MYOF: variants seen among roughly 807,000 people sequenced by gnomAD.
The protein encoded by MYOF is myoferlin.
A neutral mutation model predicts 284.2 loss-of-function variants in MYOF; 244 were observed. The observed-to-expected ratio is 0.86, with a 90% CI of 0.77 to 0.95. MYOF has a LOEUF of 0.95. Ranked by LOEUF, MYOF falls within the 40% of genes least tolerant of loss-of-function variation. The pLI is 0.00. For missense variants in MYOF, 2,496 were observed against 2,560.6 expected, an observed-to-expected ratio of 0.97 and a Z score of 0.54; for synonymous variants, 904 against 919.7, an observed-to-expected ratio of 0.98 and a Z score of 0.31.
At chr10:93,473,446 A>G (rs1419264847) in intron 1 of MYOF, among the ~76,000 whole-genome samples, 1 of 152,208 alleles carries the variant, frequency 6.6e-6, no homozygotes, top group Non-Finnish European at 1.5e-5. Flanking sequence ...TAGAGTCAAG[A>G]CCCAGTCACC....
At chr10:93,314,873 AC>A (rs1229377945) in intron 50 of MYOF, among the ~76,000 whole-genome samples, 2 of 145,052 alleles carry the variant, frequency 1.4e-5, no homozygotes, top group East Asian at 3.9e-4. Context: ...ACATGGCAAA[AC>A]CCTGTCTCTA....
intron 39 of MYOF, among the ~76,000 whole-genome samples, chr10:93,338,707 C>A (rs566925752): frequency 6.6e-6 from 1 of 152,254 alleles, no homozygotes; most frequent in South Asian, 2.1e-4. Flanking sequence ...ATCCAATAAG[C>A]TTTCAGAAGT....
intron 19 of MYOF, among the ~76,000 whole-genome samples, chr10:93,382,035 CAAA>C (rs970964909): frequency 1.3e-5 from 2 of 150,576 alleles, no homozygotes; most frequent in Non-Finnish European, 3.0e-5. Flanking sequence ...GACTCCATCT[CAAA>C]AAAAGAGAGT....
intron 53 of MYOF, among the ~76,000 whole-genome samples, chr10:93,307,624 A>C (rs942167412): frequency 7.3e-6 from 1 of 136,990 alleles, no homozygotes; most frequent in African/African-American, 2.7e-5. Context: ...AAACCAATAG[A>C]ATTTTTTTTT....
At chr10:93,364,104 C>T in intron 26 of MYOF, 29 bp from the exon 27 acceptor site, 1 of 1,598,678 alleles carries the variant, frequency 6.3e-7, no homozygotes, top group Non-Finnish European at 8.6e-7. Flanking sequence ...TCAAGTTACC[C>T]AAGGAGACCG....
intron 10 of MYOF, 68 bp downstream of exon 10, chr10:93,402,792 T>G: frequency 7.1e-7 from 1 of 1,416,408 alleles, no homozygotes; most frequent in Non-Finnish European, 9.9e-7. Context: ...TCTTGATTCT[T>G]AGAATCATCT....
At chr10:93,382,242 A>G (rs1183771378) in intron 19 of MYOF, among the ~76,000 whole-genome samples, 2 of 149,212 alleles carry the variant, frequency 1.3e-5, no homozygotes, top group Non-Finnish European at 3.0e-5. Context: ...TTTTTTCTCT[A>G]TTTTCTTTTT....
chr10:93,440,511 T>C (rs2056216375), intron 3 of MYOF, among the ~76,000 whole-genome samples: 1 of 152,206 alleles, frequency 6.6e-6, no homozygotes, highest in Admixed American at 6.5e-5. Context: ...TACCTTCCTT[T>C]ATTTTCTTCG....
In MYOF at chr10:93,373,105, G is replaced by A; in HGVS notation, c.2302-20C>T. 1 of 1,614,054 alleles carries A rather than the reference G, an allele frequency of 6.2e-7. No homozygotes were observed. The highest frequency in any genetic ancestry group is 2.2e-5 in the East Asian group (1 of 44,880). Reference sequence around the variant, plus strand: ...CTGTGGCTGGTCATGAGGATTGGATGGAAGAGGAAGCACAGCCATGGTTAG... The same window carrying A: ...CTGTGGCTGGTCATGAGGATTGGATAGAAGAGGAAGCACAGCCATGGTTAG... On this transcript the variant is annotated intron_variant, in intron 23 of 53. Coordinates refer to ENST00000359263, the MANE Select transcript of MYOF (RefSeq NM_013451.4).
intron 53 of MYOF, among the ~76,000 whole-genome samples, 190 bp from the exon 54 acceptor site, chr10:93,307,191 C>G (rs1006891713): frequency 8.3e-5 from 10 of 119,780 alleles, no homozygotes; most frequent in Non-Finnish European, 1.6e-4. Context: ...CAGTAGCACC[C>G]CCCCGCCAAG....
At chr10:93,470,220 C>T (rs1265251336) in intron 1 of MYOF, among the ~76,000 whole-genome samples, 1 of 127,480 alleles carries the variant, frequency 7.8e-6, no homozygotes, top group East Asian at 2.5e-4. Context: ...CAGAGCGAGA[C>T]TCCATCTCAA....
At position 93,353,887 on chromosome 10, in the gene MYOF, T is replaced by A. The variant is rs149298698; in HGVS notation, c.3405A>T (p.Arg1135Ser). The A allele has an allele frequency of 9.6e-5, 154 of 1,601,646 alleles. 1 individual carries two copies. In the East Asian group the frequency reaches 3.4e-3, roughly 35 times the overall value. ...AGCAGCGCAGATGGTAGATGTAGAC[T>A]CCTAAAAAAACAGGATAAAGATTAC... ...NTPIVSCNFD[R>S]VYIYHLRCYV... Residue 1135 changes from arginine (R) to serine (S), a missense_variant and splice_region_variant, in exon 32 of 54, where the codon AGA (arginine) becomes AGT (serine). Arg to Ser is a moderately radical substitution (Grantham distance 110). Coordinates refer to ENST00000359263, the MANE Select transcript of MYOF (RefSeq NM_013451.4).
In MYOF at chr10:93,431,427, T is replaced by C. The variant is rs1346527535; in HGVS notation, c.326A>G (p.Glu109Gly). ...LPYKLISLLNEKGQDTGATID... is the reference protein window; with the variant it reads ...LPYKLISLLNGKGQDTGATID... ...ACTCACCCCAGTATCTTGCCCTTTT[T>C]CATTTAGCAGGGAGATCAGCTTGTA... Residue 109 changes from glutamate (E) to glycine (G), a missense_variant, in exon 4 of 54, where the codon GAA (glutamate) becomes GGA (glycine). By Grantham distance (98) the Glu-to-Gly change is moderately conservative. Around this residue, in one of 3 missense-constraint regions of MYOF, gnomAD observed 2,436 missense variants for 2,480.7 expected, o/e 0.98. Transcript: ENST00000359263. 2 of 1,614,018 alleles carry C rather than the reference T, an allele frequency of 1.2e-6. No homozygotes were observed. The highest frequency in any genetic ancestry group is 1.7e-5 in the Admixed American group (1 of 60,022).
chr10:93,350,294 T>C (rs1190088678), intron 35 of MYOF, among the ~76,000 whole-genome samples: 1 of 152,080 alleles, frequency 6.6e-6, no homozygotes, highest in Non-Finnish European at 1.5e-5. Flanking sequence ...TAGGGTTATA[T>C]TGATGACCAC....
chr10:93,470,904 G>A (rs2057131740), intron 1 of MYOF, among the ~76,000 whole-genome samples: 1 of 152,120 alleles, frequency 6.6e-6, no homozygotes, highest in African/African-American at 2.4e-5. Flanking sequence ...GCTAAACATA[G>A]GAGGGACAGA....
At chr10:93,369,392 GA>G (rs138513181) in intron 25 of MYOF, among the ~76,000 whole-genome samples, 121 of 152,170 alleles carry the variant, frequency 8.0e-4, no homozygotes, top group Non-Finnish European at 1.4e-3. Context: ...GGTAGAAGTG[GA>G]AGGCATCTAA....
chr10:93,344,413 C>T (rs1392232507), intron 37 of MYOF, among the ~76,000 whole-genome samples: 1 of 152,086 alleles, frequency 6.6e-6, no homozygotes, highest in African/African-American at 2.4e-5. Flanking sequence ...CCCCCTCCCC[C>T]TTCTGAGTCT....
intron 17 of MYOF, among the ~76,000 whole-genome samples, chr10:93,389,806 T>G (rs1846588012): frequency 6.6e-6 from 1 of 152,152 alleles, no homozygotes; most frequent in Non-Finnish European, 1.5e-5. Flanking sequence ...AAGGGCAATA[T>G]AATTAAATAG....
intron 27 of MYOF, among the ~76,000 whole-genome samples, chr10:93,362,744 G>A (rs1349781869): frequency 6.6e-6 from 1 of 152,174 alleles, no homozygotes. Flanking sequence ...AATTAAGAGA[G>A]TGAAAATTGA....
Sources: allele counts gnomAD v4.1 joint callset (sites outside exome capture counted in the v4.1 genomes callset), GRCh38; gene constraint gnomAD v4.1.1; regional missense constraint gnomAD v4.1.1; transcripts MANE v1.5; gene names NCBI Gene and HGNC (gene_info 2026-07-23, HGNC 2026-07-21).